The following AVEN variants were observed in gnomAD, a reference collection of about 807,000 sequenced individuals.
AVEN encodes the protein cell death regulator Aven.
AVEN carries 41 observed loss-of-function variants against 38.1 expected under a neutral mutation model. That is an observed-to-expected ratio of 1.08 (90% confidence interval 0.84 to 1.40). The LOEUF is 1.40. AVEN is among the 40% of genes most tolerant of loss of function. AVEN has a pLI of 0.00. For missense variants in AVEN, 605 were observed against 438.8 expected (o/e 1.38, Z -3.38); for synonymous variants, 206 against 171.8 (o/e 1.20, Z -1.56).
At chr15:34,025,199 T>A (rs1026957635) in intron 1 of AVEN, among the ~76,000 whole-genome samples, 14 of 152,060 alleles carry the variant, frequency 9.2e-5, no homozygotes, top group African/African-American at 3.1e-4. Flanking sequence ...GAGGTGAGCA[T>A]GTGAAAATGA....
At chr15:33,873,970 C>G (rs1430098238) in intron 3 of AVEN, among the ~76,000 whole-genome samples, 1 of 152,156 alleles carries the variant, frequency 6.6e-6, no homozygotes, top group Non-Finnish European at 1.5e-5. Context: ...CTCGTTCTTT[C>G]CCATTCGTCC....
Position 33,866,382 on chromosome 15 carries a change from G to A in AVEN, c.*231C>T. The A allele has an allele frequency of 1.8e-6, 1 of 558,740 alleles. No homozygotes were observed. The highest frequency in any genetic ancestry group is 3.2e-6 in the Non-Finnish European group (1 of 315,654). The allele number at this position is 558,740 out of a possible 1,614,324, so 34.6% of individuals were successfully genotyped here. ...AAACAAGGGCCAGAGTCTATCTCCT[G>A]CCCTTAAGGAAATCTATTAGATTAC... On this transcript the variant is annotated 3_prime_UTR_variant, in exon 6 of 6. Coordinates refer to ENST00000306730, the MANE Select transcript of AVEN (RefSeq NM_020371.3).
At chr15:33,949,376 G>A (rs1017509575) in intron 2 of AVEN, among the ~76,000 whole-genome samples, 2 of 152,100 alleles carry the variant, frequency 1.3e-5, no homozygotes, top group Admixed American at 6.5e-5. Flanking sequence ...GTTAATTTAC[G>A]CTATATTTCA....
chr15:33,866,329 T>C lies in AVEN; in HGVS notation c.*284A>G, dbSNP rs1890480824. Reference sequence around the variant, plus strand: ...TGCTATGCTGTAAACACTGGCTATGTTGTAAACACTGCAAGGAAGGAGGCT... The same window carrying C: ...TGCTATGCTGTAAACACTGGCTATGCTGTAAACACTGCAAGGAAGGAGGCT... On this transcript the variant is annotated 3_prime_UTR_variant, in exon 6 of 6. Coordinates refer to ENST00000306730, the MANE Select transcript of AVEN (RefSeq NM_020371.3). 4.4e-6 allele frequency: 2 copies of C among 452,350 alleles called. No homozygotes were observed. The highest frequency in any genetic ancestry group is 3.9e-6 in the Non-Finnish European group (1 of 254,256). The allele number at this position is 452,350 out of a possible 1,614,324, so 28.0% of individuals were successfully genotyped here.
At chr15:34,032,421 C>T (rs528331079) in intron 1 of AVEN, among the ~76,000 whole-genome samples, 3 of 152,202 alleles carry the variant, frequency 2.0e-5, no homozygotes, top group East Asian at 1.9e-4. Flanking sequence ...GATTTATGAG[C>T]GAGCTATTTT....
intron 2 of AVEN, among the ~76,000 whole-genome samples, chr15:33,928,479 G>A (rs547737852): frequency 1.9e-4 from 29 of 152,316 alleles, no homozygotes; most frequent in South Asian, 1.5e-3. Context: ...GACAGCAGAC[G>A]TAAGGCTGAA....
At chr15:34,055,114 C>T (rs1225942019) in intron 5 of AVEN, among the ~76,000 whole-genome samples, 1 of 150,864 alleles carries the variant, frequency 6.6e-6, no homozygotes, top group South Asian at 2.1e-4. Context: ...ATCACTTGAA[C>T]CCGGGAGGCG....
At chr15:33,878,511 A>G (rs894135595) in intron 2 of AVEN, among the ~76,000 whole-genome samples, 3 of 152,204 alleles carry the variant, frequency 2.0e-5, no homozygotes, top group Admixed American at 1.3e-4. Flanking sequence ...TATGAATCAG[A>G]TATTTAAGTG....
intron 2 of AVEN, among the ~76,000 whole-genome samples, chr15:33,983,156 GTGTA>G (rs1299043179): frequency 2.9e-5 from 3 of 102,438 alleles, no homozygotes; most frequent in Admixed American, 9.6e-5. Flanking sequence ...GTGTGTGTGT[GTGTA>G]TGTGTGTGTG....
chr15:34,063,449 A>G lies in AVEN; in HGVS notation n.1127-17T>C, dbSNP rs201633790. ...TGACCAAAGCTGAGAAGAGAAAGCC[A>G]GCTCATAGGGCTCTGTTCAGATCCT... On this transcript the variant is annotated splice_polypyrimidine_tract_variant and intron_variant and non_coding_transcript_variant, in intron 4 of 11. Coordinates refer to the AVEN transcript ENST00000675287. This position sits in a 1 kb window ranked among gnomAD's most constrained non-coding sequence, Gnocchi z 4.1. 1 of 1,613,896 alleles carries G rather than the reference A, an allele frequency of 6.2e-7. No individual in the cohort carries two copies. Among genetic ancestry groups the G allele is most frequent in the East Asian group, 2.2e-5 (1 of 44,886 alleles).
At chr15:34,065,120 A>T (rs66482432) in intron 4 of AVEN, 8,566 of 163,390 alleles carry the variant, frequency 0.052, 370 homozygotes, top group Non-Finnish European at 0.056. Context: ...GCCAGTGGAA[A>T]TTTTTTCTTT....
intron 2 of AVEN, among the ~76,000 whole-genome samples, chr15:33,924,197 A>C (rs1279783729): frequency 6.6e-6 from 1 of 151,812 alleles, no homozygotes; most frequent in African/African-American, 2.4e-5. Flanking sequence ...TAAAGCAATC[A>C]AGGCACTCAG....
the AVEN span, chr15:33,853,405 G>A: frequency 9.6e-7 from 1 of 1,044,600 alleles, no homozygotes; most frequent in Non-Finnish European, 1.3e-6. Context: ...TTTTTCTCTG[G>A]GTTTTCTCTT....
At chr15:34,073,897 C>G (rs1900681432) in intron 1 of AVEN, among the ~76,000 whole-genome samples, 1 of 151,906 alleles carries the variant, frequency 6.6e-6, no homozygotes, top group Non-Finnish European at 1.5e-5. Flanking sequence ...TTACATGCAC[C>G]CAGTACAGCT....
At chr15:33,963,396 T>C (rs1567436491) in intron 2 of AVEN, among the ~76,000 whole-genome samples, 2 of 152,208 alleles carry the variant, frequency 1.3e-5, no homozygotes, top group African/African-American at 2.4e-5. Flanking sequence ...CTAAAATCTC[T>C]GTGGGGTCTG....
At chr15:33,993,508 G>A (rs984463977) in intron 2 of AVEN, among the ~76,000 whole-genome samples, 2 of 152,126 alleles carry the variant, frequency 1.3e-5, no homozygotes, top group African/African-American at 4.8e-5. Flanking sequence ...GGAAAGGGCT[G>A]CCTCTCCAAA....
chr15:33,855,675 T>TAC (rs1020555339), downstream of AVEN, among the ~76,000 whole-genome samples: 9 of 151,204 alleles, frequency 6.0e-5, no homozygotes, highest in South Asian at 2.1e-4. Flanking sequence ...TGATTTCAGA[T>TAC]ACACACACAC....
chr15:33,861,530 C>A (rs1888213759), downstream of AVEN, among the ~76,000 whole-genome samples: 1 of 151,438 alleles, frequency 6.6e-6, no homozygotes, highest in Non-Finnish European at 1.5e-5. Flanking sequence ...CCCACTTTTA[C>A]TTCCAACTAT....
chr15:33,975,156 TCTA>T (rs1895829947), intron 2 of AVEN, among the ~76,000 whole-genome samples: 1 of 152,192 alleles, frequency 6.6e-6, no homozygotes. Context: ...CCCCATCTCT[TCTA>T]CACTCTCTCC....
Sources: gnomAD v4.1 joint callset for allele counts (sites outside exome capture counted in the v4.1 genomes callset) on GRCh38, gnomAD v4.1.1 for gene constraint, Gnocchi (gnomAD v3.1) non-coding constraint, MANE v1.5 for transcripts, NCBI Gene and HGNC (gene_info 2026-07-23, HGNC 2026-07-21) for gene names.